WDR87: variants seen among roughly 807,000 people sequenced by gnomAD.
The protein encoded by WDR87 is WD repeat-containing protein 87.
In WDR87, 56 loss-of-function variants were observed where a neutral mutation model predicts 83.3. That is an observed-to-expected ratio of 0.67 (90% confidence interval 0.54 to 0.84). The LOEUF (loss-of-function observed/expected upper bound fraction) is 0.84. Ranked by LOEUF, WDR87 falls within the 40% of genes least tolerant of loss-of-function variation. The pLI is 0.00. For missense variants in WDR87, 2,939 were observed against 3,431.9 expected (o/e 0.86, Z 3.59); for synonymous variants, 1,173 against 1,250.6 (o/e 0.94, Z 1.31).
Position 37,895,799 on chromosome 19 carries a change from C to G in WDR87, c.246+339G>C, listed in dbSNP as rs75804508. On this transcript the variant is annotated intron_variant, in intron 3 of 5. Transcript: ENST00000447313. ...AAAAAAAAAAAAAAAGATGAAACTG[C>G]CTAGAGCTGATGGTAGGGCAGAATA... Among the ~76,000 whole-genome samples the G allele has an allele frequency of 0.053, 7,924 of 149,188 alleles. 244 individuals carry two copies. Among genetic ancestry groups the G allele is most frequent in the East Asian group, 0.11 (536 of 5,052 alleles).
At chr19:37,904,843 G>A (rs2046313813) in intron 1 of WDR87, among the ~76,000 whole-genome samples, 1 of 152,092 alleles carries the variant, frequency 6.6e-6, no homozygotes. Context: ...TGGACATTCG[G>A]TAGTTTCCAA....
At chr19:37,906,333 C>T (rs1360287060) in intron 1 of WDR87, among the ~76,000 whole-genome samples, 166 bp downstream of exon 1, 1 of 152,172 alleles carries the variant, frequency 6.6e-6, no homozygotes, top group Non-Finnish European at 1.5e-5. Context: ...GATAACAAGG[C>T]CCCTAGGCAG....
chr19:37,897,465 C>T (rs193080076), intron 2 of WDR87, among the ~76,000 whole-genome samples: 1 of 152,072 alleles, frequency 6.6e-6, no homozygotes, highest in Non-Finnish European at 1.5e-5. Context: ...CTACCTCGCC[C>T]TGGCAAAGTG....
At position 37,887,542 on chromosome 19, in the gene WDR87, T is replaced by A; in HGVS notation, c.6129A>T (p.Glu2043Asp). 6.4e-7 allele frequency: 1 copy of A among 1,551,874 alleles called. No homozygotes were observed. Among genetic ancestry groups the A allele is most frequent in the South Asian group, 1.2e-5 (1 of 84,062 alleles). The change falls in exon 6 of 6, where the codon GAA becomes GAT. Residue 2043 changes from glutamate to aspartate, a missense_variant. Physicochemically the swap from Glu to Asp is conservative, Grantham distance 45 (BLOSUM62 2). Coordinates refer to ENST00000447313, the MANE Select transcript of WDR87 (RefSeq NM_001291088.2). ...RQRKMTQVEQELFERKLSLEE... is the reference protein window; with the variant it reads ...RQRKMTQVEQDLFERKLSLEE... ...CTAGTGACAATTTTCTCTCAAATAG[T>A]TCTTGTTCAACTTGAGTCATTTTCC...
chr19:37,887,545 T>A lies in WDR87; in HGVS notation c.6126A>T (p.Gln2042His), dbSNP rs1219068095. 3 of 1,551,776 alleles carry A rather than the reference T, an allele frequency of 1.9e-6. No individual in the cohort carries two copies. The highest frequency in any genetic ancestry group is 2.6e-6 in the Non-Finnish European group (3 of 1,147,050). Residue 2042 changes from glutamine to histidine, a missense_variant, in exon 6 of 6, where the codon CAA (glutamine) becomes CAT (histidine). Gln to His is a conservative substitution (Grantham distance 24). Around this residue, in one of 3 missense-constraint regions of WDR87, gnomAD observed 2,160 missense variants for 2,533.1 expected, o/e 0.85. Coordinates refer to ENST00000447313, the MANE Select transcript of WDR87 (RefSeq NM_001291088.2). The part of the protein sequence containing the change: ...SRQRKMTQVE[Q>H]ELFERKLSLE... The stretch of plus-strand genomic sequence containing the variant: ...GTGACAATTTTCTCTCAAATAGTTC[T>A]TGTTCAACTTGAGTCATTTTCCTTT...
chr19:37,887,621 A>G lies in WDR87; in HGVS notation c.6050T>C (p.Val2017Ala), dbSNP rs1281922676. Residue 2017 changes from valine to alanine, a missense_variant, in exon 6 of 6, where the codon GTT becomes GCT. Coordinates refer to ENST00000447313, the MANE Select transcript of WDR87 (RefSeq NM_001291088.2). ...CTTAGACAGTGTTTCTTTTCCCTCA[A>G]CCAGTCTCATCTTCTCCTCAGCCAG... The part of the protein sequence containing the change: ...KRLAEEKMRL[V>A]EGKETLSKGE... 2 of 1,551,564 alleles carry G rather than the reference A, an allele frequency of 1.3e-6. No homozygotes were observed. Among genetic ancestry groups the G allele is most frequent in the South Asian group, 1.2e-5 (1 of 84,026 alleles).
chr19:37,892,800 T>C lies in WDR87; in HGVS notation c.2903A>G (p.Asp968Gly), dbSNP rs1037086962. The stretch of plus-strand genomic sequence containing the variant: ...GATCAGCGGGTTGGAATTGGTTGTA[T>C]CATTCAGTAGCCGACGGGCTGTCTC... Reference protein sequence around the residue: ...RSETARRLLNDTTNSNPLIRE... With the variant: ...RSETARRLLNGTTNSNPLIRE... Residue 968 changes from aspartate to glycine, a missense_variant, in exon 4 of 6, where the codon GAT (aspartate) becomes GGT (glycine). By Grantham distance (94) the Asp-to-Gly change is moderately conservative. Coordinates refer to ENST00000447313, the MANE Select transcript of WDR87 (RefSeq NM_001291088.2). 92 of 1,551,634 alleles carry C rather than the reference T, an allele frequency of 5.9e-5. No individual in the cohort carries two copies. The Admixed American group carries it at 1.8e-3, about 30-fold the overall frequency.
Position 37,885,598 on chromosome 19 carries a change from C to G in WDR87, c.8073G>C (p.Gln2691His). 1 of 1,551,720 alleles carries G rather than the reference C, an allele frequency of 6.4e-7. No homozygotes were observed. The highest frequency in any genetic ancestry group is 8.7e-7 in the Non-Finnish European group (1 of 1,147,000). The change falls in exon 6 of 6, where the codon CAG becomes CAC. Residue 2691 changes from glutamine to histidine, a missense_variant. Transcript: ENST00000447313. The stretch of plus-strand genomic sequence containing the variant: ...TCTCCTTGTGAGCAATGGATATCTG[C>G]TGTGCCCTCTCACTTCTGTAAGGTT... ...LGEPYRSERA[Q>H]QISIAHKEME...
chr19:37,890,165 T>G lies in WDR87; in HGVS notation c.3506A>C (p.Glu1169Ala), dbSNP rs1307806367. The G allele has an allele frequency of 6.4e-7, 1 of 1,551,772 alleles. No individual in the cohort carries two copies. The highest frequency in any genetic ancestry group is 8.7e-7 in the Non-Finnish European group (1 of 1,147,062). ...GGAATAGACGGATGCTTCCTCCATC[T>G]CAATTGGTGCGGCCTCAGTCCCACT... Reference protein sequence around the residue: ...DESGTEAAPIEMEEASVYSQW... With the variant: ...DESGTEAAPIAMEEASVYSQW... The change falls in exon 6 of 6, where the codon GAG becomes GCG. Residue 1169 changes from glutamate (E) to alanine (A), a missense_variant. Transcript: ENST00000447313.
At position 37,894,699 on chromosome 19, in the gene WDR87, C is replaced by T; in HGVS notation, c.1004G>A (p.Ser335Asn). ...GGCAGTTTGGCAGAAGAAAGTAATG[C>T]TGTCAATAAACTGGAGCCGGTATAG... ...EELYRLQFID[S>N]ITFFCQTAHS... Residue 335 changes from serine to asparagine, a missense_variant, in exon 4 of 6, where the codon AGC becomes AAC. Physicochemically the swap from Ser to Asn is conservative, Grantham distance 46. Transcript: ENST00000447313. 1 of 1,551,726 alleles carries T rather than the reference C, an allele frequency of 6.4e-7. No individual in the cohort carries two copies. Among genetic ancestry groups the T allele is most frequent in the South Asian group, 1.2e-5 (1 of 84,060 alleles).
At chr19:37,897,424 G>A (rs2046264834) in intron 2 of WDR87, among the ~76,000 whole-genome samples, 1 of 151,624 alleles carries the variant, frequency 6.6e-6, no homozygotes, top group South Asian at 2.1e-4. Flanking sequence ...TGCCCAGTGT[G>A]GTCTTGAACT....
rs1402988695 is a variant in WDR87, at chr19:37,885,524, G to A, written c.8147C>T (p.Ala2716Val). The change falls in exon 6 of 6, where the codon GCC becomes GTC. Residue 2716 changes from alanine (A) to valine (V), a missense_variant. Around this residue, in one of 3 missense-constraint regions of WDR87, gnomAD observed 2,160 missense variants for 2,533.1 expected, o/e 0.85. Transcript: ENST00000447313. ...GGTTTGTTTTTCCACAGAGGCATGG[G>A]CACTTGGAAAAATGTCTCTGGTGGC... is the stretch of plus-strand genomic sequence containing the variant. The part of the protein sequence containing the change: ...YPATRDIFPS[A>V]HASVEKQTLA... The A allele has an allele frequency of 3.2e-6, 5 of 1,551,538 alleles. No homozygotes were observed. Among genetic ancestry groups the A allele is most frequent in the Non-Finnish European group, 4.4e-6 (5 of 1,146,992 alleles).
Position 37,893,657 on chromosome 19 carries a change from C to T in WDR87, c.2046G>A (p.Leu682=). The change falls in exon 4 of 6, where the codon CTG becomes CTA. Residue 682 remains leucine (L), a synonymous_variant. Transcript: ENST00000447313. The part of the protein sequence containing the change: ...VSCLKLLPPA[L]LTRLSFMSIS... ...TGCTCATAAAGGAAAGGCGAGTCAG[C>T]AGGGCTGGGGGAAGCAATTTTAAAC... 1.3e-6 allele frequency: 2 copies of T among 1,552,126 alleles called. No individual in the cohort carries two copies. Among genetic ancestry groups the T allele is most frequent in the Non-Finnish European group, 1.7e-6 (2 of 1,147,102 alleles).
In WDR87 at chr19:37,894,799, C is replaced by T. The variant is rs2046239815; in HGVS notation, c.904G>A (p.Gly302Ser). 2 of 1,551,628 alleles carry T rather than the reference C, an allele frequency of 1.3e-6. No individual in the cohort carries two copies. The highest frequency in any genetic ancestry group is 2.7e-5 in the African/African-American group (2 of 73,052). ...CACTCCTTGATTAGGCTGTCACTACCAGCTGTTAGCAGGGTGTGGGCCTCT... is the reference window on the plus strand; with the variant it reads ...CACTCCTTGATTAGGCTGTCACTACTAGCTGTTAGCAGGGTGTGGGCCTCT... ...RPEAHTLLTA[G>S]SDSLIKEWNL... The change falls in exon 4 of 6, where the codon GGT (glycine) becomes AGT (serine). Residue 302 changes from glycine (G) to serine (S), a missense_variant. By Grantham distance (56) the Gly-to-Ser change is moderately conservative (BLOSUM62 0). Around this residue, in one of 3 missense-constraint regions of WDR87, gnomAD observed 553 missense variants for 577.9 expected, o/e 0.96. Transcript: ENST00000447313.
At position 37,894,088 on chromosome 19, in the gene WDR87, C is replaced by T; in HGVS notation, c.1615G>A (p.Ala539Thr). ...GMDDYVHLSE[A>T]VLDGVKVQLR... The stretch of plus-strand genomic sequence containing the variant: ...TGTACTTTGACCCCATCAAGCACAG[C>T]TTCTGACAGGTGCACATAGTCATCC... The change falls in exon 4 of 6, where the codon GCT becomes ACT. Residue 539 changes from alanine (A) to threonine (T), a missense_variant. Coordinates refer to ENST00000447313, the MANE Select transcript of WDR87 (RefSeq NM_001291088.2). 1.9e-6 allele frequency: 3 copies of T among 1,552,310 alleles called. No homozygotes were observed. Among genetic ancestry groups the T allele is most frequent in the South Asian group, 2.4e-5 (2 of 84,058 alleles).
chr19:37,905,589 G>T (rs2046321590), intron 1 of WDR87, among the ~76,000 whole-genome samples: 1 of 151,358 alleles, frequency 6.6e-6, no homozygotes, highest in South Asian at 2.1e-4. Context: ...AAGAGACAGG[G>T]TTCTGCTTTG....
chr19:37,903,303 G>A (rs2046303811), intron 1 of WDR87, among the ~76,000 whole-genome samples: 1 of 152,216 alleles, frequency 6.6e-6, no homozygotes, highest in Admixed American at 6.5e-5. Flanking sequence ...TGTCCCCAGG[G>A]CCTGGGAGTG....
In WDR87 at chr19:37,893,833, C is replaced by T. The variant is rs532213975; in HGVS notation, c.1870G>A (p.Gly624Ser). 6.4e-7 allele frequency: 1 copy of T among 1,551,740 alleles called. No individual in the cohort carries two copies. Among genetic ancestry groups the T allele is most frequent in the South Asian group, 1.2e-5 (1 of 84,056 alleles). The change falls in exon 4 of 6, where the codon GGT becomes AGT. Residue 624 changes from glycine (G) to serine (S), a missense_variant. Transcript: ENST00000447313. ...VCLSLSLFVT[G>S]SADGSVRIWD... ...ATCCGAACAGAGCCATCGGCAGAACCTGTGACAAAAAGACTCAAGGAGAGG... is the reference window on the plus strand; with the variant it reads ...ATCCGAACAGAGCCATCGGCAGAACTTGTGACAAAAAGACTCAAGGAGAGG...
chr19:37,905,688 TG>T (rs1239809392), intron 1 of WDR87, among the ~76,000 whole-genome samples: 2 of 152,130 alleles, frequency 1.3e-5, no homozygotes, highest in Non-Finnish European at 2.9e-5. Flanking sequence ...CTTAAATAGC[TG>T]GGACTATGGC....
Sources: allele counts gnomAD v4.1 joint callset (sites outside exome capture counted in the v4.1 genomes callset), GRCh38; gene constraint gnomAD v4.1.1; regional missense constraint gnomAD v4.1.1; transcripts MANE v1.5; gene names NCBI Gene and HGNC (gene_info 2026-07-23, HGNC 2026-07-21).